DOCK5: variants seen among roughly 807,000 people sequenced by gnomAD.
The protein encoded by DOCK5 is dedicator of cytokinesis protein 5.
A neutral mutation model predicts 251.8 loss-of-function variants in DOCK5; 142 were observed. The ratio of observed to expected loss-of-function variants is 0.56; its 90% CI spans 0.49 to 0.65. The LOEUF (loss-of-function observed/expected upper bound fraction) is 0.65, where lower values mean the gene tolerates loss of function less well. DOCK5 is among the 30% of genes least tolerant of loss of function. The pLI is 0.00. For missense variants in DOCK5, 2,111 were observed against 2,312.3 expected (o/e 0.91, Z 1.79); for synonymous variants, 842 against 835.5 (o/e 1.01, Z -0.13).
intron 5 of DOCK5, among the ~76,000 whole-genome samples, chr8:25,289,992 C>T (rs1804446471): frequency 6.6e-6 from 1 of 152,102 alleles, no homozygotes; most frequent in African/African-American, 2.4e-5. Flanking sequence ...CCTATATACG[C>T]AAGATCATAT....
intron 1 of DOCK5, among the ~76,000 whole-genome samples, chr8:25,206,067 A>T (rs1251827761): frequency 6.6e-6 from 1 of 152,172 alleles, no homozygotes; most frequent in Admixed American, 6.5e-5. Context: ...GATTATTCTA[A>T]TTGAGGGAGT....
intron 1 of DOCK5, among the ~76,000 whole-genome samples, chr8:25,239,958 TGA>T (rs1802902058): frequency 6.6e-6 from 1 of 152,180 alleles, no homozygotes; most frequent in Admixed American, 6.5e-5. Context: ...TCCTGCTCAC[TGA>T]GAGGTTGACT....
At chr8:25,186,250 G>C (rs1156549877) in intron 1 of DOCK5, among the ~76,000 whole-genome samples, 2 of 151,270 alleles carry the variant, frequency 1.3e-5, no homozygotes, top group Non-Finnish European at 1.5e-5. Flanking sequence ...CAATTCAAAA[G>C]ACATTTTCTT....
intron 11 of DOCK5, chr8:25,304,556 AG>A: frequency 2.2e-6 from 1 of 461,526 alleles, no homozygotes; most frequent in Non-Finnish European, 3.8e-6. Flanking sequence ...AAAGCATCAA[AG>A]GAATATAAAA....
intron 5 of DOCK5, among the ~76,000 whole-genome samples, chr8:25,283,611 G>A (rs1322192829): frequency 1.6e-5 from 2 of 124,312 alleles, no homozygotes; most frequent in Admixed American, 1.7e-4. Context: ...CCTCTGGGAA[G>A]CCTTGGCATA....
At chr8:25,187,272 C>CAT (rs1281871103) in intron 1 of DOCK5, among the ~76,000 whole-genome samples, 7 of 145,130 alleles carry the variant, frequency 4.8e-5, no homozygotes, top group African/African-American at 1.6e-4. Context: ...TATACACACA[C>CAT]ATATATGTAT....
chr8:25,397,046 C>T (rs1352516242), intron 45 of DOCK5, among the ~76,000 whole-genome samples: 1 of 151,880 alleles, frequency 6.6e-6, no homozygotes, highest in Non-Finnish European at 1.5e-5. Flanking sequence ...TTGGCGAAAC[C>T]CTGTCTCTAA....
chr8:25,332,226 T>C, intron 18 of DOCK5, 25 bp from the exon 19 acceptor site: 1 of 1,584,588 alleles, frequency 6.3e-7, no homozygotes, highest in Non-Finnish European at 8.7e-7. Context: ...CACCTGTATC[T>C]AATGTTTGTG....
At chr8:25,189,189 G>T (rs1801514898) in intron 1 of DOCK5, among the ~76,000 whole-genome samples, 1 of 151,322 alleles carries the variant, frequency 6.6e-6, no homozygotes, top group Non-Finnish European at 1.5e-5. Context: ...CCTGGCTTAA[G>T]TTTTTTGATT....
chr8:25,243,674 C>A lies in DOCK5; in HGVS notation c.44C>A (p.Ala15Glu). The change falls in exon 2 of 52, where the codon GCG (alanine) becomes GAG (glutamate). Residue 15 changes from alanine (A) to glutamate (E), a missense_variant and splice_region_variant. Around this residue, in one of 3 missense-constraint regions of DOCK5, gnomAD observed 335 missense variants for 324.9 expected, o/e 1.03. Transcript: ENST00000276440. ...TCCCTTTTTTATTTCTCATTTCCAG[C>A]GATCTATAACTACAATGCTTCTCAA... ...IPTKRQKYGV[A>E]IYNYNASQDV... 2 of 1,612,610 alleles carry A rather than the reference C, an allele frequency of 1.2e-6. No individual in the cohort carries two copies. Among genetic ancestry groups the A allele is most frequent in the Non-Finnish European group, 1.7e-6 (2 of 1,179,162 alleles).
At position 25,339,922 on chromosome 8, in the gene DOCK5, G is replaced by C. The variant is rs554367560; in HGVS notation, c.2328-955G>C. On this transcript the variant is annotated intron_variant, in intron 22 of 51. Coordinates refer to ENST00000276440, the MANE Select transcript of DOCK5 (RefSeq NM_024940.8). ...GTAGAAGCCAGTGACCACTTTAAGA[G>C]GCCATTGTGGTTTAAATGTGAGATA... is the stretch of plus-strand genomic sequence containing the variant. Among the ~76,000 whole-genome samples the C allele has an allele frequency of 5.9e-5, 9 of 152,314 alleles. No individual in the cohort carries two copies. In the East Asian group the frequency reaches 1.7e-3, roughly 29 times the overall value.
chr8:25,411,313 C>A lies in DOCK5; in HGVS notation c.*15C>A. On this transcript the variant is annotated 3_prime_UTR_variant, in exon 52 of 52. Transcript: ENST00000276440. ...GATCCCAGTAAGGATCTTGCCCTCC[C>A]TGCAACACCGAGTGCCTTAGACAGC... The A allele has an allele frequency of 6.8e-7, 1 of 1,462,882 alleles. No individual in the cohort carries two copies. Among genetic ancestry groups the A allele is most frequent in the Non-Finnish European group, 9.0e-7 (1 of 1,109,638 alleles). The allele number at this position is 1,462,882 out of a possible 1,614,324, so 90.6% of individuals were successfully genotyped here.
chr8:25,379,556 C>T (rs911884405), intron 38 of DOCK5, among the ~76,000 whole-genome samples: 2 of 152,130 alleles, frequency 1.3e-5, no homozygotes, highest in African/African-American at 4.8e-5. Flanking sequence ...ATTGTTCAAA[C>T]GCACATGTTT....
Position 25,363,076 on chromosome 8 carries a change from C to G in DOCK5, c.2979C>G (p.Phe993Leu). The G allele has an allele frequency of 1.2e-6, 2 of 1,613,998 alleles. No homozygotes were observed. The highest frequency in any genetic ancestry group is 8.5e-7 in the Non-Finnish European group (1 of 1,179,886). The change falls in exon 29 of 52, where the codon TTC (phenylalanine) becomes TTG (leucine). Residue 993 changes from phenylalanine (F) to leucine (L), a missense_variant. Physicochemically the swap from Phe to Leu is conservative, Grantham distance 22 (BLOSUM62 0). This residue lies in a region of DOCK5 where 1,717 missense variants were observed against 1,892.4 expected (regional missense o/e 0.91). Transcript: ENST00000276440. ...TCCTCATGGAAACTTTTATCATGTT[C>G]AAGGACCTGATTGGAAAGAATGTCT... The part of the protein sequence containing the change: ...IDFLMETFIM[F>L]KDLIGKNVYA...
intron 39 of DOCK5, 104 bp downstream of exon 39, chr8:25,380,498 T>A (rs1801046221): frequency 3.0e-6 from 3 of 993,152 alleles, no homozygotes; most frequent in Non-Finnish European, 4.5e-6. Context: ...GGTGTTTTTT[T>A]ACAATGGAAA....
intron 2 of DOCK5, among the ~76,000 whole-genome samples, chr8:25,267,047 C>T (rs571791129): frequency 0.041 from 6,243 of 152,232 alleles, 412 homozygotes; most frequent in African/African-American, 0.14. Flanking sequence ...GCCTGCCCGC[C>T]TCCCACTCTG....
rs552292344 is a variant in DOCK5, at chr8:25,220,909, T to C, written c.44-22765T>C. ...ACGAGCCACTGCGCCTGGCCTCTCATTCAGTTTTTACAGGGGATGAACTTT... is the reference window on the plus strand; with the variant it reads ...ACGAGCCACTGCGCCTGGCCTCTCACTCAGTTTTTACAGGGGATGAACTTT... On this transcript the variant is annotated intron_variant, in intron 1 of 51. Transcript: ENST00000276440. Among the ~76,000 whole-genome samples the C allele has an allele frequency of 3.4e-4, 52 of 152,164 alleles. 1 individual carries two copies. Among genetic ancestry groups the C allele is most frequent in the African/African-American group, 1.2e-3 (50 of 41,524 alleles).
At position 25,363,018 on chromosome 8, in the gene DOCK5, T is replaced by C. The variant is rs201311061; in HGVS notation, c.2950-29T>C. 4.3e-4 allele frequency: 672 copies of C among 1,578,064 alleles called. 1 individual carries two copies. The highest frequency in any genetic ancestry group is 2.9e-3 in the African/African-American group (212 of 74,214). ...AAAGACTATGAACGTAACCCAGTTT[T>C]CCCCCAACCACTCCTCTGTTCTCCG... is the stretch of plus-strand genomic sequence containing the variant. On this transcript the variant is annotated intron_variant, in intron 28 of 51. Coordinates refer to ENST00000276440, the MANE Select transcript of DOCK5 (RefSeq NM_024940.8).
chr8:25,362,425 T>C (rs1031262468), intron 28 of DOCK5, among the ~76,000 whole-genome samples: 5 of 151,598 alleles, frequency 3.3e-5, no homozygotes, highest in African/African-American at 1.2e-4. Flanking sequence ...CTTCCCACTT[T>C]CTTTTTTTCC....
Sources: gnomAD v4.1 joint callset for allele counts (sites outside exome capture counted in the v4.1 genomes callset) on GRCh38, gnomAD v4.1.1 for gene constraint, gnomAD v4.1.1 regional missense constraint, MANE v1.5 for transcripts, NCBI Gene and HGNC (gene_info 2026-07-23, HGNC 2026-07-21) for gene names.